Variants in GRIN2A observed in about 807,000 individuals in gnomAD.
GRIN2A encodes glutamate ionotropic receptor NMDA type subunit 2A, also known as glutamate receptor ionotropic, NMDA 2A.
Under a neutral mutation model 113.4 loss-of-function variants are expected in GRIN2A, and 22 were observed. The observed-to-expected ratio is 0.19, with a 90% CI of 0.14 to 0.28. The LOEUF is 0.28. Among genes scored for constraint, GRIN2A ranks in the 10% least tolerant of loss-of-function variants. The probability of loss-of-function intolerance (pLI) is 1.00; values close to 1 mark genes in which losing one functional copy is unlikely to be tolerated. For synonymous variants in GRIN2A, 827 were observed against 738.4 expected, an observed-to-expected ratio of 1.12 and a Z score of -1.94; for missense variants, 1,502 against 1,887.0, an observed-to-expected ratio of 0.80 and a Z score of 3.78.
intron 2 of GRIN2A, among the ~76,000 whole-genome samples, chr16:9,958,278 T>C (rs2045351202): frequency 6.6e-6 from 1 of 152,110 alleles, no homozygotes; most frequent in South Asian, 2.1e-4. Flanking sequence ...ACTAAATCCA[T>C]CCTCCTTGAA....
At chr16:10,090,462 G>T (rs1205105422) in intron 2 of GRIN2A, among the ~76,000 whole-genome samples, 1 of 152,042 alleles carries the variant, frequency 6.6e-6, no homozygotes, top group Non-Finnish European at 1.5e-5. Flanking sequence ...ACATGATGCT[G>T]GGAAAATTTG....
intron 2 of GRIN2A, among the ~76,000 whole-genome samples, chr16:10,135,943 A>G (rs999603160): frequency 6.6e-6 from 1 of 152,180 alleles, no homozygotes; most frequent in Non-Finnish European, 1.5e-5. Context: ...TTGACACAGA[A>G]CTGACAGTTG....
chr16:9,889,818 C>T (rs1226292615), intron 4 of GRIN2A, among the ~76,000 whole-genome samples: 1 of 152,028 alleles, frequency 6.6e-6, no homozygotes, highest in Admixed American at 6.6e-5. Context: ...AGAATGCACC[C>T]TCCATTATTT....
intron 12 of GRIN2A, among the ~76,000 whole-genome samples, chr16:9,766,044 C>T (rs1370690678): frequency 6.6e-6 from 1 of 152,150 alleles, no homozygotes; most frequent in Non-Finnish European, 1.5e-5. Flanking sequence ...ACGTCTGGAA[C>T]ATTTTGATCT....
chr16:9,925,860 C>A (rs1567179383), intron 3 of GRIN2A, among the ~76,000 whole-genome samples: 1 of 152,072 alleles, frequency 6.6e-6, no homozygotes, highest in Non-Finnish European at 1.5e-5. Context: ...TTACAAACCC[C>A]AAATTTATTT....
chr16:9,939,024 G>A (rs1168057323), intron 2 of GRIN2A, among the ~76,000 whole-genome samples: 1 of 152,194 alleles, frequency 6.6e-6, no homozygotes, highest in Non-Finnish European at 1.5e-5. Context: ...ATACAAGCCA[G>A]TGAGTTTCTA....
chr16:9,785,223 A>G (rs938334571), intron 11 of GRIN2A, among the ~76,000 whole-genome samples: 1 of 152,148 alleles, frequency 6.6e-6, no homozygotes, highest in Non-Finnish European at 1.5e-5. Context: ...GATTAAGAAA[A>G]TGTGGCACAT....
chr16:9,986,245 G>A (rs2045977273), intron 2 of GRIN2A, among the ~76,000 whole-genome samples: 1 of 152,046 alleles, frequency 6.6e-6, no homozygotes, highest in Non-Finnish European at 1.5e-5. Context: ...TGCTTATGGA[G>A]AAGTTGTCAT....
intron 2 of GRIN2A, among the ~76,000 whole-genome samples, chr16:10,071,020 G>T (rs1157525772): frequency 6.6e-6 from 1 of 152,134 alleles, no homozygotes; most frequent in East Asian, 1.9e-4. Context: ...CCTCACCAGA[G>T]TAATGACTAC....
At chr16:10,103,694 C>G (rs2048442511) in intron 2 of GRIN2A, among the ~76,000 whole-genome samples, 1 of 152,154 alleles carries the variant, frequency 6.6e-6, no homozygotes, top group African/African-American at 2.4e-5. Flanking sequence ...CATGTTTACT[C>G]TGCTGACTAC....
intron 2 of GRIN2A, among the ~76,000 whole-genome samples, chr16:10,062,878 G>T (rs1039068128): frequency 6.6e-6 from 1 of 150,852 alleles, no homozygotes; most frequent in East Asian, 1.9e-4. Flanking sequence ...AAAAAAAAAA[G>T]AAGAAGAAAA....
intron 2 of GRIN2A, among the ~76,000 whole-genome samples, chr16:10,097,403 T>A (rs1337897059): frequency 6.6e-6 from 1 of 152,210 alleles, no homozygotes; most frequent in Non-Finnish European, 1.5e-5. Flanking sequence ...ATCTTCACCC[T>A]ACATATATCA....
At chr16:10,075,587 A>G (rs1295135004) in intron 2 of GRIN2A, among the ~76,000 whole-genome samples, 1 of 152,114 alleles carries the variant, frequency 6.6e-6, no homozygotes, top group Non-Finnish European at 1.5e-5. Flanking sequence ...TAGAATAGTA[A>G]ATTTTAGGTT....
intron 3 of GRIN2A, among the ~76,000 whole-genome samples, chr16:9,935,198 T>C (rs1264759497): frequency 2.6e-5 from 4 of 152,170 alleles, no homozygotes; most frequent in African/African-American, 9.7e-5. Context: ...ATCAAAATTA[T>C]ATGTTTCTGA....
At chr16:9,923,791 T>A (rs1022600848) in intron 3 of GRIN2A, among the ~76,000 whole-genome samples, 1 of 152,162 alleles carries the variant, frequency 6.6e-6, no homozygotes, top group Non-Finnish European at 1.5e-5. Context: ...TATTTTTGTT[T>A]TAAAAGTAAT....
intron 3 of GRIN2A, among the ~76,000 whole-genome samples, chr16:9,905,047 G>T (rs2044000223): frequency 6.6e-6 from 1 of 152,136 alleles, no homozygotes; most frequent in South Asian, 2.1e-4. Flanking sequence ...ATACCAAAAG[G>T]ACAGCTATAG....
chr16:10,044,390 T>C (rs1045393298), intron 2 of GRIN2A, among the ~76,000 whole-genome samples: 1 of 151,878 alleles, frequency 6.6e-6, no homozygotes, highest in Non-Finnish European at 1.5e-5. Context: ...TGTACATGGC[T>C]TTTTGCTGCA....
intron 2 of GRIN2A, among the ~76,000 whole-genome samples, chr16:10,134,297 T>C (rs1399637211): frequency 6.6e-6 from 1 of 152,072 alleles, no homozygotes; most frequent in African/African-American, 2.4e-5. Flanking sequence ...TCCTTTGAGC[T>C]TGAGGCTCTA....
At chr16:9,846,781 A>G (rs138006297) in intron 5 of GRIN2A, among the ~76,000 whole-genome samples, 40 of 152,332 alleles carry the variant, frequency 2.6e-4, no homozygotes, top group African/African-American at 9.6e-4. Context: ...ATGAGTAAGA[A>G]TTAGGTAAAA....
Sources: gnomAD v4.1 joint callset for allele counts (sites outside exome capture counted in the v4.1 genomes callset) on GRCh38, gnomAD v4.1.1 for gene constraint, MANE v1.5 for transcripts, NCBI Gene and HGNC (gene_info 2026-07-23, HGNC 2026-07-21) for gene names.